Variants in IPCEF1 observed in about 807,000 individuals in gnomAD.
IPCEF1 encodes the protein interaction protein for cytohesin exchange factors 1.
A neutral mutation model predicts 50.9 loss-of-function variants in IPCEF1; 31 were observed. The observed-to-expected ratio is 0.61, with a 90% CI of 0.46 to 0.82. The LOEUF is 0.82. Among genes scored for constraint, IPCEF1 ranks in the 40% least tolerant of loss-of-function variants. IPCEF1 has a pLI of 0.00. For synonymous variants in IPCEF1, 181 were observed against 192.0 expected, an observed-to-expected ratio of 0.94 and a Z score of 0.47; for missense variants, 458 against 514.0, an observed-to-expected ratio of 0.89 and a Z score of 1.05.
rs563310110 is a variant in IPCEF1, at chr6:154,235,826, A to T, written c.246+10765T>A. Reference sequence around the variant, plus strand: ...GGTCACTAGTCATTAGGAAAAGGCAAATCAAAGCCACCGTGTGATGGTACC... The same window carrying T: ...GGTCACTAGTCATTAGGAAAAGGCATATCAAAGCCACCGTGTGATGGTACC... On this transcript the variant is annotated intron_variant, in intron 5 of 11. Coordinates refer to ENST00000367220, the MANE Select transcript of IPCEF1 (RefSeq NM_001130700.2). Among the ~76,000 whole-genome samples the T allele has an allele frequency of 3.9e-5, 6 of 152,330 alleles. No individual in the cohort carries two copies. The South Asian group carries it at 1.2e-3, about 32-fold the overall frequency.
Position 154,212,779 on chromosome 6 carries a change from A to G in IPCEF1, c.528T>C (p.Thr176=). 6.2e-7 allele frequency: 1 copy of G among 1,610,208 alleles called. No homozygotes were observed. Among genetic ancestry groups the G allele is most frequent in the Non-Finnish European group, 8.5e-7 (1 of 1,176,456 alleles). The change falls in exon 9 of 12, where the codon ACT becomes ACC. Residue 176 remains threonine, a synonymous_variant. Coordinates refer to ENST00000367220, the MANE Select transcript of IPCEF1 (RefSeq NM_001130700.2). The part of the protein sequence containing the change: ...ETPPPPHASQ[T]QSLTAQQASS... ...TTATGTCGGTACATACCAAAGACTG[A>G]GTCTGGGAAGCGTGAGGAGGGGGTG...
chr6:154,209,019 G>A lies in IPCEF1; in HGVS notation c.537+3751C>T, dbSNP rs576865097. On this transcript the variant is annotated intron_variant, in intron 9 of 11. Coordinates refer to ENST00000367220, the MANE Select transcript of IPCEF1 (RefSeq NM_001130700.2). Reference sequence around the variant, plus strand: ...CATAAAAACCTCTTCTTCACTGAAGGAAGATTTCCTGACATGTTCTTTATT... The same window carrying A: ...CATAAAAACCTCTTCTTCACTGAAGAAAGATTTCCTGACATGTTCTTTATT... 4.6e-5 allele frequency among the ~76,000 whole-genome samples: 7 copies of A among 152,222 alleles called. No individual in the cohort carries two copies. In the South Asian group the frequency reaches 1.5e-3, roughly 32 times the overall value.
At chr6:154,207,280 A>G (rs1232612657) in intron 9 of IPCEF1, among the ~76,000 whole-genome samples, 1 of 152,212 alleles carries the variant, frequency 6.6e-6, no homozygotes, top group Non-Finnish European at 1.5e-5. Flanking sequence ...AATTTTAGCA[A>G]AGTCTTAAAA....
intron 9 of IPCEF1, among the ~76,000 whole-genome samples, chr6:154,210,251 T>C (rs916630971): frequency 2.0e-5 from 3 of 152,206 alleles, no homozygotes; most frequent in East Asian, 1.9e-4. Context: ...CCTGAGATAC[T>C]AGTTTGCCAT....
At chr6:154,277,405 G>A (rs2128661813) in intron 2 of IPCEF1, among the ~76,000 whole-genome samples, 1 of 152,276 alleles carries the variant, frequency 6.6e-6, no homozygotes, top group Admixed American at 6.5e-5. Context: ...GTCAAGAATA[G>A]ATTTGCTTTC....
intron 1 of IPCEF1, among the ~76,000 whole-genome samples, chr6:154,290,464 C>T (rs1445817496): frequency 1.3e-5 from 2 of 152,164 alleles, no homozygotes; most frequent in Non-Finnish European, 1.5e-5. Flanking sequence ...GTGTACTTTA[C>T]TTCCTTTTGT....
At chr6:154,186,960 C>T (rs111946816) in intron 10 of IPCEF1, among the ~76,000 whole-genome samples, 292 of 152,242 alleles carry the variant, frequency 1.9e-3, no homozygotes, top group Non-Finnish European at 3.5e-3. Flanking sequence ...CCAGAGTGCT[C>T]ACCGCCTACA....
At chr6:154,298,154 A>G (rs1782709751) in intron 1 of IPCEF1, among the ~76,000 whole-genome samples, 1 of 152,250 alleles carries the variant, frequency 6.6e-6, no homozygotes, top group South Asian at 2.1e-4. Flanking sequence ...TCTTTTAAAT[A>G]AAAGCTACAT....
At position 154,290,893 on chromosome 6, in the gene IPCEF1, C is replaced by CTTTTTTTTTTTTTTTTT. The variant is rs3045866; in HGVS notation, c.-61-1138_-61-1137insAAAAAAAAAAAAAAAAA. ...AATTTTTCCAGTAGGAATATATTGCCTTTTTTTTTTTTTTGAGACAGAGTC... is the reference window on the plus strand; with the variant it reads ...AATTTTTCCAGTAGGAATATATTGCCTTTTTTTTTTTTTTTTTTTTTTTTTTTTTTTGAGACAGAGTC... On this transcript the variant is annotated intron_variant, in intron 1 of 11. Transcript: ENST00000367220. Among the ~76,000 whole-genome samples the CTTTTTTTTTTTTTTTTT allele has an allele frequency of 1.4e-4, 18 of 127,288 alleles. 2 individuals are homozygous for CTTTTTTTTTTTTTTTTT. The highest frequency in any genetic ancestry group is 5.4e-4 in the African/African-American group (17 of 31,506). The allele number at this position is 127,288 out of a possible 152,430, so 83.5% of individuals were successfully genotyped here. A position where few individuals can be genotyped will look rare whatever the true frequency, so the allele number is the denominator to read the frequency against.
At chr6:154,307,463 C>T (rs974057899) in intron 1 of IPCEF1, among the ~76,000 whole-genome samples, 2 of 152,136 alleles carry the variant, frequency 1.3e-5, no homozygotes, top group African/African-American at 4.8e-5. Flanking sequence ...TGACCAGTCT[C>T]GGGTATGTTT....
intron 1 of IPCEF1, among the ~76,000 whole-genome samples, chr6:154,335,305 G>A (rs1403356807): frequency 6.6e-6 from 1 of 152,018 alleles, no homozygotes; most frequent in Non-Finnish European, 1.5e-5. Context: ...GCCCCATCTT[G>A]CCACATAATA....
intron 5 of IPCEF1, among the ~76,000 whole-genome samples, chr6:154,236,756 A>G (rs773929287): frequency 1.1e-4 from 16 of 152,148 alleles, no homozygotes; most frequent in Non-Finnish European, 2.1e-4. Flanking sequence ...GGCGAGGCCC[A>G]GAGATGGTGG....
chr6:154,351,537 G>GT (rs1247485151), intron 1 of IPCEF1, among the ~76,000 whole-genome samples: 4 of 152,228 alleles, frequency 2.6e-5, no homozygotes, highest in African/African-American at 7.2e-5. Context: ...CGATTTTAAA[G>GT]TAGAGAGCAA....
At chr6:154,313,374 C>CAA (rs59870958) in intron 1 of IPCEF1, among the ~76,000 whole-genome samples, 3 of 128,018 alleles carry the variant, frequency 2.3e-5, no homozygotes, top group Non-Finnish European at 3.3e-5. Flanking sequence ...GATTCTGTCT[C>CAA]AAAAAAAAAA....
intron 1 of IPCEF1, among the ~76,000 whole-genome samples, chr6:154,338,988 C>T (rs12527747): frequency 0.023 from 3,496 of 152,190 alleles, 57 homozygotes; most frequent in Non-Finnish European, 0.033. Flanking sequence ...GCTGCCTCAC[C>T]CATTATCTTC....
intron 2 of IPCEF1, among the ~76,000 whole-genome samples, chr6:154,273,724 C>CTTTTTTTTTTT (rs71021036): frequency 6.3e-5 from 4 of 63,310 alleles, no homozygotes; most frequent in African/African-American, 1.1e-4. Flanking sequence ...TTCTTTCTTT[C>CTTTTTTTTTTT]TTTTTTTTTT....
chr6:154,223,464 C>CA (rs1279485026), intron 5 of IPCEF1, among the ~76,000 whole-genome samples: 1 of 152,134 alleles, frequency 6.6e-6, no homozygotes, highest in Non-Finnish European at 1.5e-5. Context: ...AGAGAAGTGG[C>CA]ATGACATGAC....
chr6:154,208,067 T>C (rs1167685020), intron 9 of IPCEF1, among the ~76,000 whole-genome samples: 1 of 152,172 alleles, frequency 6.6e-6, no homozygotes. Context: ...CCAGTGTCTG[T>C]TGCACAGAGC....
At chr6:154,207,601 C>T (rs1459255094) in intron 9 of IPCEF1, among the ~76,000 whole-genome samples, 4 of 152,132 alleles carry the variant, frequency 2.6e-5, no homozygotes, top group Non-Finnish European at 5.9e-5. Context: ...CGGGGTTTCA[C>T]CATGTTGCCC....
Sources: gnomAD v4.1 joint callset for allele counts (sites outside exome capture counted in the v4.1 genomes callset) on GRCh38, gnomAD v4.1.1 for gene constraint, MANE v1.5 for transcripts, NCBI Gene and HGNC (gene_info 2026-07-23, HGNC 2026-07-21) for gene names.